The following SHANK2 variants were observed in gnomAD, a reference collection of about 807,000 sequenced individuals.
SHANK2 encodes SH3 and multiple ankyrin repeat domains protein 2.
SHANK2 carries 43 observed loss-of-function variants against 133.7 expected under a neutral mutation model. The ratio of observed to expected loss-of-function variants is 0.32; its 90% CI spans 0.25 to 0.41. The LOEUF (loss-of-function observed/expected upper bound fraction) is 0.41. SHANK2 is among the 10% of genes least tolerant of loss of function. The pLI, the probability that SHANK2 is intolerant of heterozygous loss-of-function variation, is 1.00. For synonymous variants in SHANK2, 1,017 were observed against 952.8 expected (o/e 1.07, Z -1.24); for missense variants, 1,994 against 2,235.8 (o/e 0.89, Z 2.18).
intron 17 of SHANK2, among the ~76,000 whole-genome samples, chr11:70,625,810 GAAA>G (rs34147403): frequency 0.012 from 480 of 41,382 alleles, 1 homozygote; most frequent in African/African-American, 0.018. Context: ...GTGCAAAAAT[GAAA>G]AAAAAAAAAA....
intron 17 of SHANK2, among the ~76,000 whole-genome samples, chr11:70,560,167 C>T (rs575543665): frequency 7.2e-5 from 11 of 152,250 alleles, no homozygotes; most frequent in South Asian, 4.1e-4. Context: ...CCACCGTGCT[C>T]GGCTTGGGGT....
intron 17 of SHANK2, among the ~76,000 whole-genome samples, chr11:70,582,468 G>A (rs2060196840): frequency 6.6e-6 from 1 of 152,266 alleles, no homozygotes; most frequent in East Asian, 1.9e-4. Context: ...CCCTGAGCCA[G>A]TGTGTCCCTC....
intron 17 of SHANK2, among the ~76,000 whole-genome samples, chr11:70,543,350 C>T (rs974005959): frequency 1.2e-4 from 18 of 152,056 alleles, no homozygotes; most frequent in Admixed American, 9.2e-4. Context: ...GGGCTGGTTA[C>T]CAAAAGAACC....
intron 2 of SHANK2, among the ~76,000 whole-genome samples, chr11:71,185,606 G>T (rs1349016289): frequency 6.6e-6 from 1 of 152,106 alleles, no homozygotes; most frequent in African/African-American, 2.4e-5. Context: ...GGACCTGGAG[G>T]GTTCAAATCT....
intron 19 of SHANK2, 91 bp downstream of exon 19, chr11:70,502,115 C>T (rs1401560672): frequency 1.9e-5 from 27 of 1,417,182 alleles, no homozygotes; most frequent in Admixed American, 1.6e-4. Context: ...AGCGAGCAAG[C>T]GTGGGGTCAT....
Position 70,487,053 on chromosome 11 carries a change from G to A in SHANK2, c.3240C>T (p.Ala1080=), listed in dbSNP as rs1436436224. 7 of 1,608,750 alleles carry A rather than the reference G, an allele frequency of 4.4e-6. No individual in the cohort carries two copies. Among genetic ancestry groups the A allele is most frequent in the African/African-American group, 1.3e-5 (1 of 74,888 alleles). The change falls in exon 25 of 26, where the codon GCC becomes GCT. Residue 1080 remains alanine (A), a synonymous_variant. Transcript: ENST00000601538. The surrounding 1 kb of genome is among the most constrained non-coding windows in gnomAD (Gnocchi z 5.8). ...ESLTVSSPFA[A]AIAGAVRDRE... ...GGTCGCGGACGGCTCCGGCGATGGC[G>A]GCGGCAAAGGGGCTGCTGACGGTCA...
chr11:70,481,324 T>C (rs2058730624), intron 25 of SHANK2, among the ~76,000 whole-genome samples: 2 of 152,242 alleles, frequency 1.3e-5, no homozygotes, highest in African/African-American at 4.8e-5. Context: ...GGGAAGAGCT[T>C]TGAGCATCAG....
intron 10 of SHANK2, chr11:70,908,101 A>C (rs782691655): frequency 9.8e-5 from 26 of 264,486 alleles, no homozygotes; most frequent in Admixed American, 7.1e-4. Flanking sequence ...ATCTCAAAAA[A>C]AAAGAAAAAA....
At chr11:70,531,080 T>C (rs781965539) in intron 17 of SHANK2, among the ~76,000 whole-genome samples, 2 of 132,740 alleles carry the variant, frequency 1.5e-5, no homozygotes, top group Non-Finnish European at 3.1e-5. Context: ...AGCTACTTGG[T>C]GGCTGAGGTG....
intron 9 of SHANK2, among the ~76,000 whole-genome samples, chr11:71,070,477 G>A (rs1373994328): frequency 1.3e-5 from 2 of 152,202 alleles, no homozygotes; most frequent in Non-Finnish European, 2.9e-5. Flanking sequence ...GGGCACACAG[G>A]CAGGAGTTGG....
At chr11:71,065,397 G>A (rs1303589352) in intron 9 of SHANK2, among the ~76,000 whole-genome samples, 1 of 146,088 alleles carries the variant, frequency 6.8e-6, no homozygotes, top group Non-Finnish European at 1.5e-5. Flanking sequence ...GCAGTGACTG[G>A]GGAAGTTGTG....
chr11:71,205,448 GCCTGTGCCCCTCTTGCTGGGC>G (rs1555117857), intron 2 of SHANK2, among the ~76,000 whole-genome samples: 1 of 152,208 alleles, frequency 6.6e-6, no homozygotes, highest in Admixed American at 6.5e-5. Context: ...TCCAGCTCCT[GCCTGTGCCCCTCTTGCTGGGC>G]TCCAGTAGAG....
At chr11:70,510,882 CA>C (rs1554969223) in intron 17 of SHANK2, among the ~76,000 whole-genome samples, 1 of 152,214 alleles carries the variant, frequency 6.6e-6, no homozygotes, top group African/African-American at 2.4e-5. Context: ...CATGAAGTGG[CA>C]GCACCTACTC....
At chr11:70,578,444 C>T (rs544788001) in intron 17 of SHANK2, among the ~76,000 whole-genome samples, 3 of 152,318 alleles carry the variant, frequency 2.0e-5, no homozygotes, top group African/African-American at 4.8e-5. Context: ...GGGGGACAGG[C>T]GCATCACGAC....
intron 17 of SHANK2, among the ~76,000 whole-genome samples, chr11:70,576,137 C>T (rs960260724): frequency 3.3e-5 from 5 of 152,146 alleles, no homozygotes; most frequent in African/African-American, 1.2e-4. Context: ...TTTGTGTCTA[C>T]GGGGAACTAC....
At chr11:70,619,527 C>A (rs1193171590) in intron 17 of SHANK2, among the ~76,000 whole-genome samples, 1 of 152,222 alleles carries the variant, frequency 6.6e-6, no homozygotes, top group Non-Finnish European at 1.5e-5. Flanking sequence ...CTCCTGATTG[C>A]AGCAAGATCC....
intron 17 of SHANK2, among the ~76,000 whole-genome samples, chr11:70,639,492 C>T (rs185974104): frequency 6.6e-6 from 1 of 152,110 alleles, no homozygotes; most frequent in Non-Finnish European, 1.5e-5. Context: ...ATGACCTCAT[C>T]CCCTCCTGAA....
intron 17 of SHANK2, among the ~76,000 whole-genome samples, chr11:70,537,178 C>T (rs1214981489): frequency 6.6e-6 from 1 of 152,132 alleles, no homozygotes; most frequent in African/African-American, 2.4e-5. Flanking sequence ...CAGGGGTGTC[C>T]CCAACAGCCC....
chr11:70,743,438 A>C (rs1470513550), intron 14 of SHANK2, among the ~76,000 whole-genome samples: 1 of 152,212 alleles, frequency 6.6e-6, no homozygotes, highest in African/African-American at 2.4e-5. Context: ...TGCTGTCTGC[A>C]GACCATAAAG....
Sources: gnomAD v4.1 joint callset for allele counts (sites outside exome capture counted in the v4.1 genomes callset) on GRCh38, gnomAD v4.1.1 for gene constraint, Gnocchi (gnomAD v3.1) non-coding constraint, MANE v1.5 for transcripts, NCBI Gene and HGNC (gene_info 2026-07-23, HGNC 2026-07-21) for gene names.